Variants in RAP1GAP2 observed in about 807,000 individuals in gnomAD.
RAP1GAP2 encodes the protein rap1 GTPase-activating protein 2.
RAP1GAP2 carries 27 observed loss-of-function variants against 95.0 expected under a neutral mutation model. The ratio of observed to expected loss-of-function variants is 0.28; its 90% CI spans 0.21 to 0.39. RAP1GAP2 has a LOEUF of 0.39. RAP1GAP2 is among the 10% of genes least tolerant of loss of function. The pLI is 1.00. For missense variants in RAP1GAP2, 771 were observed against 970.0 expected (o/e 0.79, Z 2.72); for synonymous variants, 373 against 380.9 (o/e 0.98, Z 0.24).
chr17:2,831,234 G>A (rs532537050), intron 2 of RAP1GAP2, among the ~76,000 whole-genome samples: 10 of 147,590 alleles, frequency 6.8e-5, no homozygotes, highest in Non-Finnish European at 9.0e-5. Flanking sequence ...CTGCCACCAC[G>A]CCCAGCTACT....
intron 1 of RAP1GAP2, among the ~76,000 whole-genome samples, chr17:2,758,545 A>C (rs2071190762): frequency 6.6e-6 from 1 of 152,050 alleles, no homozygotes. Context: ...CATCTTTCTG[A>C]GAAGGTCCTG....
chr17:2,811,720 G>A (rs2069775218), intron 2 of RAP1GAP2, among the ~76,000 whole-genome samples: 1 of 152,150 alleles, frequency 6.6e-6, no homozygotes, highest in East Asian at 1.9e-4. Flanking sequence ...TGGGATTACA[G>A]GCATGCGCCA....
intron 2 of RAP1GAP2, among the ~76,000 whole-genome samples, chr17:2,875,261 C>G (rs1329301480): frequency 2.6e-4 from 39 of 152,054 alleles, no homozygotes; most frequent in Admixed American, 2.6e-3. Context: ...GAGATGGGAT[C>G]TTGCCATGTT....
At chr17:2,933,776 A>G (rs981524002) in intron 3 of RAP1GAP2, among the ~76,000 whole-genome samples, 1 of 152,180 alleles carries the variant, frequency 6.6e-6, no homozygotes, top group African/African-American at 2.4e-5. Context: ...CAGTTCCCCC[A>G]CTAAGAGGCT....
intron 3 of RAP1GAP2, among the ~76,000 whole-genome samples, chr17:2,920,829 G>A (rs1488660500): frequency 6.6e-6 from 1 of 152,142 alleles, no homozygotes; most frequent in Non-Finnish European, 1.5e-5. Flanking sequence ...CACTGAGACC[G>A]GCTCAGCAGC....
At chr17:2,780,175 C>T (rs148970422) in intron 1 of RAP1GAP2, among the ~76,000 whole-genome samples, 17 of 152,294 alleles carry the variant, frequency 1.1e-4, no homozygotes, top group Non-Finnish European at 2.2e-4. Context: ...CTCAGCCTCC[C>T]GAGTTGCTGG....
upstream of RAP1GAP2, among the ~76,000 whole-genome samples, chr17:2,792,160 G>A (rs1003386420): frequency 3.3e-5 from 5 of 152,220 alleles, no homozygotes; most frequent in Non-Finnish European, 7.4e-5. Flanking sequence ...GCGCCTGGCC[G>A]CTTCCCTTGT....
At chr17:2,921,222 CAG>C (rs57537863) in intron 3 of RAP1GAP2, among the ~76,000 whole-genome samples, 27,406 of 151,138 alleles carry the variant, frequency 0.18, 4,803 homozygotes, top group African/African-American at 0.44. Context: ...TTTTTTGAGA[CAG>C]AGTCTCACTC....
chr17:2,951,045 G>A (rs1484135315), intron 3 of RAP1GAP2, among the ~76,000 whole-genome samples: 1 of 152,200 alleles, frequency 6.6e-6, no homozygotes, highest in Admixed American at 6.5e-5. Flanking sequence ...GCTGCCTCCT[G>A]TGTGTTTCTG....
chr17:3,011,722 C>T (rs2046554801), intron 17 of RAP1GAP2, among the ~76,000 whole-genome samples: 1 of 149,048 alleles, frequency 6.7e-6, no homozygotes, highest in South Asian at 2.1e-4. Flanking sequence ...CGGGCTCAAG[C>T]GATTCTCCTG....
intron 1 of RAP1GAP2, among the ~76,000 whole-genome samples, chr17:2,758,599 C>A (rs2071191347): frequency 6.6e-6 from 1 of 152,168 alleles, no homozygotes; most frequent in Non-Finnish European, 1.5e-5. Context: ...GGGTGCACGT[C>A]TGAGGCCGAG....
At chr17:2,859,407 C>T (rs1331756831) in intron 2 of RAP1GAP2, among the ~76,000 whole-genome samples, 1 of 151,738 alleles carries the variant, frequency 6.6e-6, no homozygotes, top group Non-Finnish European at 1.5e-5. Flanking sequence ...AGCCACCCTG[C>T]TTGGCCCTTT....
intron 24 of RAP1GAP2, 96 bp downstream of exon 24, chr17:3,032,545 A>G: frequency 8.2e-7 from 1 of 1,218,170 alleles, no homozygotes; most frequent in South Asian, 1.2e-5. Context: ...GAATGGCCGG[A>G]GAGATGCCGC....
At chr17:2,849,212 AG>A (rs1354558918) in intron 2 of RAP1GAP2, among the ~76,000 whole-genome samples, 1 of 152,146 alleles carries the variant, frequency 6.6e-6, no homozygotes, top group Admixed American at 6.5e-5. Flanking sequence ...GGGAGGGGCA[AG>A]GCGTTTGAAG....
At chr17:2,943,291 C>A (rs1047277547) in intron 3 of RAP1GAP2, among the ~76,000 whole-genome samples, 1 of 152,124 alleles carries the variant, frequency 6.6e-6, no homozygotes, top group African/African-American at 2.4e-5. Flanking sequence ...GAAATATTTG[C>A]AAACCATATA....
chr17:2,945,110 C>T (rs1052012215), intron 3 of RAP1GAP2, among the ~76,000 whole-genome samples: 5 of 152,118 alleles, frequency 3.3e-5, no homozygotes, highest in African/African-American at 1.2e-4. Flanking sequence ...CTCCTGACTT[C>T]GTGATCCACC....
chr17:2,838,681 G>A (rs550187304), intron 2 of RAP1GAP2, among the ~76,000 whole-genome samples: 10 of 152,266 alleles, frequency 6.6e-5, no homozygotes, highest in Admixed American at 2.6e-4. Flanking sequence ...CAGTGATTCC[G>A]AAATTGTAAC....
chr17:2,949,092 T>G (rs1020988904), intron 3 of RAP1GAP2, among the ~76,000 whole-genome samples: 3 of 152,068 alleles, frequency 2.0e-5, no homozygotes, highest in African/African-American at 4.8e-5. Context: ...CGGGAGGTGG[T>G]GGGGACAGGG....
At chr17:2,784,082 CTT>C (rs2151452292) in intron 1 of RAP1GAP2, among the ~76,000 whole-genome samples, 1 of 152,230 alleles carries the variant, frequency 6.6e-6, no homozygotes, top group Non-Finnish European at 1.5e-5. Flanking sequence ...AAGTGATTCT[CTT>C]GTCTCAGCCT....
Sources: gnomAD v4.1 joint callset for allele counts (sites outside exome capture counted in the v4.1 genomes callset) on GRCh38, gnomAD v4.1.1 for gene constraint, MANE v1.5 for transcripts, NCBI Gene and HGNC (gene_info 2026-07-23, HGNC 2026-07-21) for gene names.